Variants in TTLL6 observed in about 807,000 individuals in gnomAD.
TTLL6 encodes tubulin tyrosine ligase like 6, also known as tubulin polyglutamylase TTLL6.
TTLL6 carries 75 observed loss-of-function variants against 96.4 expected under a neutral mutation model. The observed-to-expected ratio is 0.78, with a 90% CI of 0.65 to 0.94. The LOEUF (loss-of-function observed/expected upper bound fraction) is 0.94. Among genes scored for constraint, TTLL6 ranks in the 40% least tolerant of loss-of-function variants. The probability of loss-of-function intolerance (pLI) is 0.00; values close to 1 mark genes in which losing one functional copy is unlikely to be tolerated. For synonymous variants in TTLL6, 411 were observed against 419.4 expected (o/e 0.98, Z 0.24); for missense variants, 1,030 against 1,093.0 (o/e 0.94, Z 0.81).
intron 4 of TTLL6, 53 bp from the exon 5 acceptor site, chr17:48,801,438 A>T (rs1159230807): frequency 1.2e-5 from 18 of 1,551,328 alleles, no homozygotes; most frequent in Non-Finnish European, 1.5e-5. Flanking sequence ...GAGTACTACA[A>T]GATCTCCTCG....
intron 15 of TTLL6, among the ~76,000 whole-genome samples, chr17:48,763,857 G>A (rs557461659): frequency 7.9e-5 from 12 of 152,074 alleles, no homozygotes; most frequent in South Asian, 2.1e-4. Context: ...GTTAGCTAGC[G>A]GGAGGCTGAG....
chr17:48,799,217 T>TCC (rs1487291607), intron 6 of TTLL6, among the ~76,000 whole-genome samples: 2 of 152,198 alleles, frequency 1.3e-5, no homozygotes, highest in Non-Finnish European at 2.9e-5. Context: ...CTGTCCACAC[T>TCC]CCTAGAGGGC....
In TTLL6 at chr17:48,785,723, A is replaced by G. The variant is rs183341487; in HGVS notation, c.1761+441T>C. Among the ~76,000 whole-genome samples the G allele has an allele frequency of 8.3e-4, 127 of 152,206 alleles. 1 individual carries two copies. The highest frequency in any genetic ancestry group is 1.8e-4 in the Non-Finnish European group (12 of 68,012). On this transcript the variant is annotated intron_variant, in intron 12 of 15. Coordinates refer to ENST00000393382, the MANE Select transcript of TTLL6 (RefSeq NM_001130918.3). The stretch of plus-strand genomic sequence containing the variant: ...GAGACCCAGCCATGACCGACATCCC[A>G]TGTAATGTTCTGAGAGTCCTGTTCC...
intron 8 of TTLL6, among the ~76,000 whole-genome samples, chr17:48,795,142 A>G (rs1273986221): frequency 6.6e-6 from 1 of 152,132 alleles, no homozygotes; most frequent in Non-Finnish European, 1.5e-5. Context: ...CCTGGCCAAT[A>G]TGCTGAAACC....
chr17:48,776,737 T>C (rs1218751905), intron 13 of TTLL6, among the ~76,000 whole-genome samples: 3 of 152,196 alleles, frequency 2.0e-5, no homozygotes, highest in African/African-American at 4.8e-5. Context: ...TTTGATTTCT[T>C]GTTGCATAAT....
chr17:48,786,022 A>C, intron 12 of TTLL6, 142 bp downstream of exon 12: 1 of 1,267,474 alleles, frequency 7.9e-7, no homozygotes. Flanking sequence ...GGCTCCCCGC[A>C]CCGCCCCGTC....
At chr17:48,774,330 A>T (rs1213986677) in intron 13 of TTLL6, among the ~76,000 whole-genome samples, 1 of 146,222 alleles carries the variant, frequency 6.8e-6, no homozygotes, top group Non-Finnish European at 1.5e-5. Context: ...CGCCCAGCTA[A>T]TTTTTTGTAT....
chr17:48,796,120 A>G lies in TTLL6; in HGVS notation c.939T>C (p.Asn313=). Residue 313 remains asparagine (N), a synonymous_variant, in exon 8 of 16, where the codon AAT becomes AAC. Coordinates refer to ENST00000393382, the MANE Select transcript of TTLL6 (RefSeq NM_001130918.3). Reference sequence around the variant, plus strand: ...TTGAACTGTGCTTATTAATGGAATAATTAGTCAGGTGCATGCAGATATCAT... The same window carrying G: ...TTGAACTGTGCTTATTAATGGAATAGTTAGTCAGGTGCATGCAGATATCAT... ...NLDDICMHLT[N]YSINKHSSNF... is the part of the protein sequence containing the mutation. 1 of 1,551,542 alleles carries G rather than the reference A, an allele frequency of 6.4e-7. No individual in the cohort carries two copies. The highest frequency in any genetic ancestry group is 8.7e-7 in the Non-Finnish European group (1 of 1,146,868).
intron 1 of TTLL6, among the ~76,000 whole-genome samples, chr17:48,809,083 T>C (rs1280667258): frequency 2.0e-5 from 3 of 152,196 alleles, no homozygotes; most frequent in East Asian, 1.9e-4. Context: ...CATGCTCCCA[T>C]TGAATGCTTA....
At chr17:48,785,270 C>T in intron 12 of TTLL6, 69 bp from the exon 13 acceptor site, 4 of 1,599,424 alleles carry the variant, frequency 2.5e-6, no homozygotes, top group Non-Finnish European at 3.4e-6. Context: ...GATTCATCTG[C>T]ACCCAGGGGT....
At chr17:48,804,710 C>G (rs2039479675) in intron 2 of TTLL6, 62 bp downstream of exon 2, 18 of 1,397,760 alleles carry the variant, frequency 1.3e-5, no homozygotes, top group Non-Finnish European at 1.6e-5. Context: ...AGACCCCCTT[C>G]CCTCCAAGTC....
rs968442419 is a variant in TTLL6 at position 48,801,525 on chromosome 17, C to G, written c.480G>C (p.Gln160His). The change falls in exon 4 of 16, where the codon CAG (glutamine) becomes CAC (histidine). Residue 160 changes from glutamine to histidine, a missense_variant and splice_region_variant. Gln to His is a conservative substitution (Grantham distance 24). Transcript: ENST00000393382. ...CAAGGACCATCACTAGCCCAAATACCTGGTAACTTTTCATTTCCATCACCC... is the reference window on the plus strand; with the variant it reads ...CAAGGACCATCACTAGCCCAAATACGTGGTAACTTTTCATTTCCATCACCC... ...LERVMEMKSY[Q>H]KINHFPGMSE... 1.3e-6 allele frequency: 2 copies of G among 1,551,938 alleles called. No homozygotes were observed. The highest frequency in any genetic ancestry group is 1.7e-6 in the Non-Finnish European group (2 of 1,147,016).
intron 6 of TTLL6, 39 bp downstream of exon 6, chr17:48,799,565 G>C: frequency 6.5e-7 from 1 of 1,540,828 alleles, no homozygotes. Context: ...GTCCGCGGTT[G>C]CTGTGGGTGA....
chr17:48,787,411 G>A lies in TTLL6; in HGVS notation c.1589+400C>T, dbSNP rs2039122022. Among the ~76,000 whole-genome samples the A allele has an allele frequency of 2.0e-5, 3 of 152,098 alleles. No individual in the cohort carries two copies. In the South Asian group the frequency reaches 6.2e-4, roughly 31 times the overall value. On this transcript the variant is annotated intron_variant, in intron 11 of 15. Coordinates refer to ENST00000393382, the MANE Select transcript of TTLL6 (RefSeq NM_001130918.3). ...ACTTTCTTTTTTTGCTTTTCTTTGAGACAAGGTCTGACACTGACACCCACG... is the reference window on the plus strand; with the variant it reads ...ACTTTCTTTTTTTGCTTTTCTTTGAAACAAGGTCTGACACTGACACCCACG...
chr17:48,788,305 C>T (rs569804294), intron 10 of TTLL6, among the ~76,000 whole-genome samples: 8 of 152,306 alleles, frequency 5.3e-5, no homozygotes, highest in Non-Finnish European at 8.8e-5. Flanking sequence ...GGCAGACTGT[C>T]GCCACCTTCC....
At chr17:48,814,012 C>T (rs909192850) in intron 1 of TTLL6, among the ~76,000 whole-genome samples, 2 of 152,018 alleles carry the variant, frequency 1.3e-5, no homozygotes, top group Non-Finnish European at 2.9e-5. Flanking sequence ...GGACTAAGTG[C>T]TTTAGAGAGT....
intron 15 of TTLL6, among the ~76,000 whole-genome samples, chr17:48,768,122 G>C (rs1044592526): frequency 6.6e-6 from 1 of 151,960 alleles, no homozygotes; most frequent in African/African-American, 2.4e-5. Context: ...TGGAGACAGA[G>C]TGCTGCTCTG....
In TTLL6 at chr17:48,789,981, C is replaced by G; in HGVS notation, c.1350G>C (p.Glu450Asp). The G allele has an allele frequency of 1.9e-6, 3 of 1,614,202 alleles. No individual in the cohort carries two copies. The highest frequency in any genetic ancestry group is 2.5e-6 in the Non-Finnish European group (3 of 1,180,030). The change falls in exon 10 of 16, where the codon GAG becomes GAC. Residue 450 changes from glutamate to aspartate, a missense_variant. Glu to Asp is a conservative substitution (Grantham distance 45). Transcript: ENST00000393382. ...GCAGGAACTGCCCCCGTTGTCTCTCCTCCTCCAAGACTTTCTTCTTGTCAC... is the reference window on the plus strand; with the variant it reads ...GCAGGAACTGCCCCCGTTGTCTCTCGTCCTCCAAGACTTTCTTCTTGTCAC... Reference protein sequence around the residue: ...ESCDKKKVLEEERQRGQFLQQ... With the variant: ...ESCDKKKVLEDERQRGQFLQQ...
chr17:48,800,799 G>T (rs1008021176), intron 5 of TTLL6, among the ~76,000 whole-genome samples: 1 of 152,098 alleles, frequency 6.6e-6, no homozygotes, highest in Admixed American at 6.5e-5. Flanking sequence ...GTTTTGAAAT[G>T]GATATAAAGA....
Sources: gnomAD v4.1 joint callset for allele counts (sites outside exome capture counted in the v4.1 genomes callset) on GRCh38, gnomAD v4.1.1 for gene constraint, MANE v1.5 for transcripts, NCBI Gene and HGNC (gene_info 2026-07-23, HGNC 2026-07-21) for gene names.